Variants in CDKAL1 observed in about 807,000 individuals in gnomAD.
CDKAL1 encodes CDKAL1 threonylcarbamoyladenosine tRNA methylthiotransferase, also known as threonylcarbamoyladenosine tRNA methylthiotransferase.
A neutral mutation model predicts 68.2 loss-of-function variants in CDKAL1; 32 were observed. The observed-to-expected ratio is 0.47, with a 90% CI of 0.35 to 0.63. The LOEUF (loss-of-function observed/expected upper bound fraction) is 0.63, where lower values mean the gene tolerates loss of function less well. CDKAL1 is among the 30% of genes least tolerant of loss of function. The probability of loss-of-function intolerance (pLI) is 0.00; values close to 1 mark genes in which losing one functional copy is unlikely to be tolerated. For missense variants in CDKAL1, 606 were observed against 696.7 expected, an observed-to-expected ratio of 0.87 and a Z score of 1.47; for synonymous variants, 234 against 244.3, an observed-to-expected ratio of 0.96 and a Z score of 0.39.
intron 13 of CDKAL1, among the ~76,000 whole-genome samples, chr6:21,181,369 A>T (rs1777782900): frequency 6.6e-6 from 1 of 152,192 alleles, no homozygotes; most frequent in Non-Finnish European, 1.5e-5. Context: ...TTAGGCCATG[A>T]GGGCCCCCAT....
intron 5 of CDKAL1, among the ~76,000 whole-genome samples, chr6:20,736,921 T>G (rs1332915808): frequency 1.3e-5 from 2 of 152,158 alleles, no homozygotes; most frequent in African/African-American, 4.8e-5. Flanking sequence ...TATTGACATT[T>G]TACACTATGT....
intron 13 of CDKAL1, among the ~76,000 whole-genome samples, chr6:21,168,147 A>G (rs952278401): frequency 1.3e-5 from 2 of 152,232 alleles, no homozygotes; most frequent in Admixed American, 6.5e-5. Flanking sequence ...AGTTAAGTAG[A>G]TCAAGATAAT....
At chr6:20,625,602 A>G (rs1297295464) in intron 4 of CDKAL1, among the ~76,000 whole-genome samples, 1 of 152,148 alleles carries the variant, frequency 6.6e-6, no homozygotes, top group Non-Finnish European at 1.5e-5. Context: ...CAGTTTAATA[A>G]GCATTTAGAG....
chr6:20,570,783 G>C (rs1764667506), intron 4 of CDKAL1, among the ~76,000 whole-genome samples: 1 of 152,118 alleles, frequency 6.6e-6, no homozygotes, highest in Admixed American at 6.5e-5. Context: ...TGAATTCCTA[G>C]ATATCAAGGG....
chr6:20,862,666 CGCGTGCAT>C (rs1759704135), intron 9 of CDKAL1, among the ~76,000 whole-genome samples: 21 of 144,414 alleles, frequency 1.5e-4, no homozygotes, highest in African/African-American at 3.7e-4. Flanking sequence ...TGTGTGTGCG[CGCGTGCAT>C]GCGCGCGTGC....
chr6:20,942,388 A>C (rs1332997642), intron 9 of CDKAL1, among the ~76,000 whole-genome samples: 2 of 127,482 alleles, frequency 1.6e-5, no homozygotes, highest in East Asian at 4.6e-4. Flanking sequence ...TTTTTTTGAG[A>C]TGGAGTTTCG....
At chr6:20,948,794 G>A (rs1207890592) in intron 9 of CDKAL1, among the ~76,000 whole-genome samples, 1 of 152,222 alleles carries the variant, frequency 6.6e-6, no homozygotes, top group African/African-American at 2.4e-5. Flanking sequence ...GTATTAAGAG[G>A]ATAAACTTAA....
At chr6:20,761,451 C>A (rs1774461573) in intron 7 of CDKAL1, among the ~76,000 whole-genome samples, 1 of 152,174 alleles carries the variant, frequency 6.6e-6, no homozygotes, top group Non-Finnish European at 1.5e-5. Flanking sequence ...AAACTTACGT[C>A]TATACAAAAA....
chr6:20,839,248 A>C (rs1778080839), intron 8 of CDKAL1, among the ~76,000 whole-genome samples: 1 of 152,180 alleles, frequency 6.6e-6, no homozygotes, highest in Non-Finnish European at 1.5e-5. Flanking sequence ...TGATAAAATG[A>C]GAAATATAAG....
At chr6:20,608,723 G>C (rs1766444102) in intron 4 of CDKAL1, among the ~76,000 whole-genome samples, 1 of 152,152 alleles carries the variant, frequency 6.6e-6, no homozygotes, top group Admixed American at 6.5e-5. Flanking sequence ...TGGGGAACCA[G>C]GTCAGGAAAG....
chr6:20,673,800 C>T (rs546492244), intron 5 of CDKAL1, among the ~76,000 whole-genome samples: 13 of 152,258 alleles, frequency 8.5e-5, no homozygotes, highest in East Asian at 1.9e-4. Context: ...CCTTACCGTC[C>T]GCCATGACTG....
At chr6:20,859,025 C>G (rs1423035196) in intron 9 of CDKAL1, among the ~76,000 whole-genome samples, 2 of 151,204 alleles carry the variant, frequency 1.3e-5, no homozygotes, top group African/African-American at 4.9e-5. Flanking sequence ...TGCATATTAT[C>G]CATTTTTTAG....
intron 12 of CDKAL1, among the ~76,000 whole-genome samples, chr6:21,069,803 T>TAAAA (rs1159921660): frequency 2.3e-5 from 1 of 42,894 alleles, no homozygotes; most frequent in African/African-American, 7.8e-5. Context: ...TTTTTTTTTT[T>TAAAA]TAAAACAGAG....
At chr6:21,116,260 A>G (rs1422418198) in intron 13 of CDKAL1, among the ~76,000 whole-genome samples, 1 of 152,182 alleles carries the variant, frequency 6.6e-6, no homozygotes, top group Non-Finnish European at 1.5e-5. Flanking sequence ...TGCGCTTAAG[A>G]TGATATATCC....
intron 11 of CDKAL1, among the ~76,000 whole-genome samples, chr6:21,046,272 C>G (rs1286280456): frequency 1.3e-5 from 2 of 152,186 alleles, no homozygotes; most frequent in Non-Finnish European, 2.9e-5. Context: ...GGGATGGTTG[C>G]AGTGTCTTGA....
At chr6:21,156,605 G>A (rs942773200) in intron 13 of CDKAL1, among the ~76,000 whole-genome samples, 7 of 152,018 alleles carry the variant, frequency 4.6e-5, no homozygotes, top group African/African-American at 1.7e-4. Flanking sequence ...AAGTTTTCCA[G>A]TGCCATTTTG....
At chr6:21,073,790 CT>C (rs1343374691) in intron 12 of CDKAL1, among the ~76,000 whole-genome samples, 2 of 152,108 alleles carry the variant, frequency 1.3e-5, no homozygotes, top group African/African-American at 4.8e-5. Context: ...TTTTTCCAGT[CT>C]ATGGCCTGTT....
rs139668603 is a variant in CDKAL1 at position 21,223,991 on chromosome 6, G to A, written c.1549-6857G>A. On this transcript the variant is annotated intron_variant, in intron 15 of 15. Coordinates refer to ENST00000274695, the MANE Select transcript of CDKAL1 (RefSeq NM_017774.3). ...GCCCTATCCCTCTTTCCTTGTAAAC[G>A]TGTAGAGCATCACACTTCTGTCAGA... Among the ~76,000 whole-genome samples, 475 of 152,258 alleles carry A rather than the reference G, an allele frequency of 3.1e-3. 2 individuals are homozygous for A. The highest frequency in any genetic ancestry group is 0.01 in the African/African-American group (434 of 41,562).
intron 4 of CDKAL1, among the ~76,000 whole-genome samples, chr6:20,628,021 C>A (rs185862081): frequency 6.6e-6 from 1 of 152,112 alleles, no homozygotes; most frequent in East Asian, 1.9e-4. Context: ...TCTAGATAGA[C>A]AATCATATTA....
Sources: allele counts gnomAD v4.1 joint callset (sites outside exome capture counted in the v4.1 genomes callset), GRCh38; gene constraint gnomAD v4.1.1; transcripts MANE v1.5; gene names NCBI Gene and HGNC (gene_info 2026-07-23, HGNC 2026-07-21).